GSDMD: variants seen among roughly 807,000 people sequenced by gnomAD.
The protein encoded by GSDMD is gasdermin D.
Under a neutral mutation model 46.7 loss-of-function variants are expected in GSDMD, and 46 were observed. That is an observed-to-expected ratio of 0.99 (90% CI 0.78 to 1.26). The LOEUF (loss-of-function observed/expected upper bound fraction) is 1.26. GSDMD is among the 50% of genes most tolerant of loss of function. The probability of loss-of-function intolerance (pLI) is 0.00; values close to 1 mark genes in which losing one functional copy is unlikely to be tolerated. For synonymous variants in GSDMD, 307 were observed against 283.1 expected (o/e 1.08, Z -0.85); for missense variants, 649 against 638.8 (o/e 1.02, Z -0.17).
In GSDMD at chr8:143,562,328, C is replaced by A. The variant is rs1301783333; in HGVS notation, c.1116C>A (p.Val372=). The part of the protein sequence containing the change: ...MLVPELAIPV[V]YLLGALTMLS... ...TGCCGGAACTCGCTATCCCTGTTGT[C>A]TACCTGCTGGGGGCACTGACCAGTG... The change falls in exon 9 of 11, where the codon GTC becomes GTA. Residue 372 remains valine, a synonymous_variant. Coordinates refer to ENST00000262580, the MANE Select transcript of GSDMD (RefSeq NM_024736.7). The A allele has an allele frequency of 6.5e-7, 1 of 1,548,956 alleles. No individual in the cohort carries two copies.
chr8:143,558,502 G>A, intron 1 of GSDMD, 51 bp downstream of exon 1: 2 of 1,396,818 alleles, frequency 1.4e-6, no homozygotes, highest in Non-Finnish European at 1.9e-6. Flanking sequence ...TCCCGAGTGG[G>A]GCCGGCCGCT....
Position 143,559,787 on chromosome 8 carries a change from T to TGGCA in GSDMD, c.231_234dup (p.Ser79GlnfsTer35). ...CTGGCCTTGCTTTAGACGTGCAGCG[T>TGGCA]GGCAGGAGCTTCCACTTCTACGATG... On this transcript the variant is annotated frameshift_variant, in exon 3 of 11. Transcript: ENST00000262580. LOFTEE classifies it high-confidence loss of function. 1 of 1,600,044 alleles carries TGGCA rather than the reference T, an allele frequency of 6.2e-7. No homozygotes were observed.
Position 143,559,817 on chromosome 8 carries a change from G to T in GSDMD, c.258G>T (p.Met86Ile). 3.7e-6 allele frequency: 6 copies of T among 1,610,532 alleles called. No homozygotes were observed. The highest frequency in any genetic ancestry group is 5.1e-6 in the Non-Finnish European group (6 of 1,178,814). ...RGRSFHFYDA[M>I]DGQIQGSVEL... The stretch of plus-strand genomic sequence containing the variant: ...GGAGCTTCCACTTCTACGATGCCAT[G>T]GATGGGCAGATACAGGGCAGCGTGG... Residue 86 changes from methionine (M) to isoleucine (I), a missense_variant, in exon 3 of 11, where the codon ATG (methionine) becomes ATT (isoleucine). Met to Ile is a conservative substitution (Grantham distance 10, BLOSUM62 1). Transcript: ENST00000262580.
At chr8:143,554,535 GCA>G (rs533012805), upstream of GSDMD, among the ~76,000 whole-genome samples, 209 of 150,680 alleles carry the variant, frequency 1.4e-3, no homozygotes, top group African/African-American at 4.9e-3. Context: ...GTGCACAAAC[GCA>G]CACAACACGC....
intron 1 of GSDMD, chr8:143,558,709 C>G: frequency 1.7e-6 from 1 of 585,746 alleles, no homozygotes; most frequent in Non-Finnish European, 3.0e-6. Context: ...GTTCCCGCCC[C>G]CAGCTGCCTT....
intron 3 of GSDMD, 25 bp from the exon 4 acceptor site, chr8:143,560,578 G>A (rs368982612): frequency 1.6e-5 from 25 of 1,555,482 alleles, no homozygotes; most frequent in East Asian, 7.2e-5. Context: ...GCGGCCCAGC[G>A]AGCTTTGCTG....
chr8:143,560,207 G>A (rs1288970729), intron 3 of GSDMD: 12 of 695,820 alleles, frequency 1.7e-5, no homozygotes, highest in Non-Finnish European at 2.6e-5. Context: ...ACAACCTTGG[G>A]GCATCAGGAA....
chr8:143,560,029 T>C, intron 3 of GSDMD, 60 bp downstream of exon 3: 1 of 1,312,970 alleles, frequency 7.6e-7, no homozygotes, highest in Non-Finnish European at 1.1e-6. Context: ...ACCCTGCTTT[T>C]ATTTATTTAT....
chr8:143,558,182 T>G (rs903425197), upstream of GSDMD: 1 of 775,140 alleles, frequency 1.3e-6, no homozygotes, highest in Admixed American at 3.3e-5. Context: ...CAAAGTGCTA[T>G]GAAGTTTGAG....
At chr8:143,559,281 C>CACA in intron 1 of GSDMD, 51 bp from the exon 2 acceptor site, 1 of 410,994 alleles carries the variant, frequency 2.4e-6, no homozygotes, top group Non-Finnish European at 4.9e-6. Context: ...TTCTCCCACT[C>CACA]CCTCCCGCCC....
upstream of GSDMD, chr8:143,558,302 G>C (rs547206820): frequency 4.9e-3 from 7,337 of 1,511,220 alleles, 54 homozygotes; most frequent in Non-Finnish European, 5.0e-3. Flanking sequence ...GGGCTCTCCG[G>C]GACGGTTCCG....
At position 143,562,085 on chromosome 8, in the gene GSDMD, AG is replaced by A; in HGVS notation, c.955del (p.Val319CysfsTer60). ...ELCQLLLEGL[E>X]GVLRDQLALR... ...TGCCAGCTGCTGCTGGAGGGCCTGG[AG>A]GGGGTGCTGCGGGACCAGCTGGCCC... On this transcript the variant is annotated frameshift_variant, in exon 8 of 11. Coordinates refer to ENST00000262580, the MANE Select transcript of GSDMD (RefSeq NM_024736.7). LOFTEE classifies it high-confidence loss of function. The A allele has an allele frequency of 6.3e-7, 1 of 1,596,960 alleles. No homozygotes were observed. Among genetic ancestry groups the A allele is most frequent in the Non-Finnish European group, 8.5e-7 (1 of 1,177,164 alleles).
Position 143,562,031 on chromosome 8 carries a change from A to C in GSDMD, c.896A>C (p.Lys299Thr). 2.5e-6 allele frequency: 4 copies of C among 1,601,520 alleles called. No individual in the cohort carries two copies. Among genetic ancestry groups the C allele is most frequent in the Non-Finnish European group, 3.4e-6 (4 of 1,177,928 alleles). Residue 299 changes from lysine to threonine, a missense_variant, in exon 8 of 11, where the codon AAG becomes ACG. Physicochemically the swap from Lys to Thr is moderately conservative, Grantham distance 78. Transcript: ENST00000262580. ...CGGGCAGAGGTGGAGACCATCTCCA[A>C]GGAACTGGAGCTTTTGGACAGAGAG... ...GLRAEVETIS[K>T]ELELLDRELC...
In GSDMD at chr8:143,560,762, G is replaced by A. The variant is rs62000422; in HGVS notation, c.570G>A (p.Thr190=). ...GCCGGTTTTCCCTGCCCGGAGCCACGTGCTTGCAGGTGTGTAGCCAGCCCC... is the reference window on the plus strand; with the variant it reads ...GCCGGTTTTCCCTGCCCGGAGCCACATGCTTGCAGGTGTGTAGCCAGCCCC... ...GSGRFSLPGA[T]CLQGEGQGHL... Residue 190 remains threonine (T), a synonymous_variant, in exon 4 of 11, where the codon ACG becomes ACA. Transcript: ENST00000262580. 50,244 of 1,543,982 alleles carry A rather than the reference G, an allele frequency of 0.033. 1,005 individuals carry two copies. The highest frequency in any genetic ancestry group is 0.062 in the Middle Eastern group (340 of 5,476).
At chr8:143,555,524 C>T (rs536189904), upstream of GSDMD, among the ~76,000 whole-genome samples, 8 of 152,296 alleles carry the variant, frequency 5.3e-5, no homozygotes, top group South Asian at 4.1e-4. Flanking sequence ...CAGGGAGCAG[C>T]GACCCCCAAC....
At position 143,562,538 on chromosome 8, in the gene GSDMD, C is replaced by T. The variant is rs760049550; in HGVS notation, c.1212+17C>T. On this transcript the variant is annotated intron_variant, in intron 10 of 10. Coordinates refer to ENST00000262580, the MANE Select transcript of GSDMD (RefSeq NM_024736.7). ...CTCGAGCTGGTGAGAGGGTTGGGTT[C>T]GGGCTGCAGGAGGATGGGCTGAGCC... 2.2e-5 allele frequency: 35 copies of T among 1,604,438 alleles called. No individual in the cohort carries two copies. In the African/African-American group the frequency reaches 2.8e-4, roughly 13 times the overall value.
upstream of GSDMD, chr8:143,557,753 G>A: frequency 3.2e-6 from 1 of 308,768 alleles, no homozygotes; most frequent in Non-Finnish European, 6.4e-6. Flanking sequence ...TCAGTGTGCA[G>A]TATCTCTCTG....
chr8:143,557,454 C>T (rs369420945), upstream of GSDMD, among the ~76,000 whole-genome samples: 496 of 144,776 alleles, frequency 3.4e-3, 21 homozygotes, highest in African/African-American at 0.014. Flanking sequence ...ACGGATGCTG[C>T]CGCTATGATG....
Position 143,559,531 on chromosome 8 carries a change from G to C in GSDMD, c.196G>C (p.Glu66Gln), listed in dbSNP as rs1023786472. 1.2e-5 allele frequency: 20 copies of C among 1,612,584 alleles called. No homozygotes were observed. Among genetic ancestry groups the C allele is most frequent in the Admixed American group, 1.7e-5 (1 of 59,994 alleles). The change falls in exon 2 of 11, where the codon GAG becomes CAG. Residue 66 changes from glutamate (E) to glutamine (Q), a missense_variant. Transcript: ENST00000262580. ...CVNLSIKDIL[E>Q]PDAAEPDVQR... ...CAACCTGTCTATCAAGGACATCCTG[G>C]AGCCGGATGCCGCGGAACCAGGTGC...
Sources: allele counts gnomAD v4.1 joint callset (sites outside exome capture counted in the v4.1 genomes callset), GRCh38; gene constraint gnomAD v4.1.1; transcripts MANE v1.5; gene names NCBI Gene and HGNC (gene_info 2026-07-23, HGNC 2026-07-21).